TNFSF18: variants seen among roughly 807,000 people sequenced by gnomAD.
The protein encoded by TNFSF18 is TNF superfamily member 18, also known as tumor necrosis factor ligand superfamily member 18.
In TNFSF18, 6 loss-of-function variants were observed where a neutral mutation model predicts 9.6. The observed-to-expected ratio is 0.63, with a 90% confidence interval of 0.34 to 1.24. The LOEUF (loss-of-function observed/expected upper bound fraction) is 1.24. TNFSF18 is among the 50% of genes most tolerant of loss of function. The probability of loss-of-function intolerance (pLI) is 0.03; values close to 1 mark genes in which losing one functional copy is unlikely to be tolerated. For synonymous variants in TNFSF18, 68 were observed against 71.7 expected (o/e 0.95, Z 0.26); for missense variants, 210 against 201.0 (o/e 1.04, Z -0.27).
In TNFSF18 at chr1:173,048,508, G is replaced by T. The variant is rs74129520; in HGVS notation, c.156+2233C>A. On this transcript the variant is annotated intron_variant, in intron 1 of 2. Transcript: ENST00000404377. ...GAAGTTCAGACTCTGCTGAACATTT[G>T]ATTTCTTAGTGATAATTCCTGTGAG... 7.5e-3 allele frequency among the ~76,000 whole-genome samples: 1,136 copies of T among 152,224 alleles called. 15 individuals carry two copies. The highest frequency in any genetic ancestry group is 0.026 in the African/African-American group (1,082 of 41,522).
At position 173,040,690 on chromosome 1, in the gene TNFSF18, AG is replaced by A. The variant is rs1664975255; in HGVS notation, c.*676del. ...TGTTTAGACACACACACCAACAGTAAGGTCTCACAAAGCTCTACGTGAGGGT... is the reference window on the plus strand; with the variant it reads ...TGTTTAGACACACACACCAACAGTAAGTCTCACAAAGCTCTACGTGAGGGT... On this transcript the variant is annotated 3_prime_UTR_variant, in exon 3 of 3. Coordinates refer to ENST00000404377, the MANE Select transcript of TNFSF18 (RefSeq NM_005092.4). 1 of 152,168 alleles carries A rather than the reference AG, an allele frequency of 6.6e-6. No homozygotes were observed. Among genetic ancestry groups the A allele is most frequent in the Non-Finnish European group, 1.5e-5 (1 of 68,018 alleles). 9.4% of individuals were successfully genotyped at this position (152,168 alleles called of 1,614,324 possible).
At position 173,041,554 on chromosome 1, in the gene TNFSF18, C is replaced by T. The variant is rs760483613; in HGVS notation, c.347G>A (p.Arg116Gln). ...NYNDVAPFEV[R>Q]LYKNKDMIQT... ...TATCATGTCTTTGTTTTTATACAGC[C>T]GCACCTCAAAAGGAGCTACATCATT... Residue 116 changes from arginine to glutamine, a missense_variant, in exon 3 of 3, where the codon CGG becomes CAG. Arg to Gln is a conservative substitution (Grantham distance 43). Coordinates refer to ENST00000404377, the MANE Select transcript of TNFSF18 (RefSeq NM_005092.4). 24 of 1,613,322 alleles carry T rather than the reference C, an allele frequency of 1.5e-5. No individual in the cohort carries two copies. Among genetic ancestry groups the T allele is most frequent in the South Asian group, 4.4e-5 (4 of 91,060 alleles).
intron 2 of TNFSF18, among the ~76,000 whole-genome samples, chr1:173,043,343 AT>A (rs1048254150): frequency 1.3e-5 from 2 of 151,902 alleles, no homozygotes; most frequent in East Asian, 1.9e-4. Context: ...TTTAAAAAAA[AT>A]GTATTTATCT....
intron 1 of TNFSF18, among the ~76,000 whole-genome samples, chr1:173,047,297 C>T (rs1665101614): frequency 6.6e-6 from 1 of 152,130 alleles, no homozygotes. Flanking sequence ...CTCCCTTAAC[C>T]CCAATTTCCT....
intron 1 of TNFSF18, among the ~76,000 whole-genome samples, chr1:173,048,102 A>G (rs1273940131): frequency 6.6e-6 from 1 of 152,074 alleles, no homozygotes; most frequent in Non-Finnish European, 1.5e-5. Flanking sequence ...AATGAGGATG[A>G]GAGGGATTAA....
Position 173,041,566 on chromosome 1 carries a change from G to A in TNFSF18, c.335C>T (p.Pro112Leu), listed in dbSNP as rs370761797. ...GTTTTTATACAGCCGCACCTCAAAA[G>A]GAGCTACATCATTGTAGTTTGCATT... ...APNANYNDVA[P>L]FEVRLYKNKD... The change falls in exon 3 of 3, where the codon CCT (proline) becomes CTT (leucine). Residue 112 changes from proline (P) to leucine (L), a missense_variant. Transcript: ENST00000404377. 1 of 1,613,524 alleles carries A rather than the reference G, an allele frequency of 6.2e-7. No homozygotes were observed. The highest frequency in any genetic ancestry group is 8.5e-7 in the Non-Finnish European group (1 of 1,179,650).
intron 2 of TNFSF18, 61 bp from the exon 3 acceptor site, chr1:173,041,774 T>A: frequency 2.1e-6 from 3 of 1,440,230 alleles, no homozygotes; most frequent in Non-Finnish European, 2.8e-6. Context: ...ATTTCATCCT[T>A]TTCCAGATTG....
At position 173,041,399 on chromosome 1, in the gene TNFSF18, T is replaced by G. The variant is rs560260122; in HGVS notation, c.502A>C (p.Ile168Leu). The G allele has an allele frequency of 6.2e-7, 1 of 1,609,404 alleles. No homozygotes were observed. Among genetic ancestry groups the G allele is most frequent in the East Asian group, 2.2e-5 (1 of 44,850 alleles). The change falls in exon 3 of 3, where the codon ATT becomes CTT. Residue 168 changes from isoleucine (I) to leucine (L), a missense_variant. Transcript: ENST00000404377. The part of the protein sequence containing the change: ...VLKNNTYWGI[I>L]LLANPQFIS Reference sequence around the variant, plus strand: ...ATGAATTGGGGATTTGCTAGTAAAATGATACCCCAGTATGTATTATTTTTT... The same window carrying G: ...ATGAATTGGGGATTTGCTAGTAAAAGGATACCCCAGTATGTATTATTTTTT...
chr1:173,044,700 T>G (rs981840149), intron 1 of TNFSF18, among the ~76,000 whole-genome samples: 8 of 152,240 alleles, frequency 5.3e-5, no homozygotes, highest in Admixed American at 4.6e-4. Context: ...CTTAAAAGAC[T>G]TTTTGAACTT....
chr1:173,049,834 T>G (rs1270844186), intron 1 of TNFSF18, among the ~76,000 whole-genome samples: 4 of 152,198 alleles, frequency 2.6e-5, no homozygotes, highest in African/African-American at 9.7e-5. Flanking sequence ...CTTATTTTCT[T>G]TTTGATCAGT....
chr1:173,046,046 T>C (rs957076662), intron 1 of TNFSF18, among the ~76,000 whole-genome samples: 17 of 151,900 alleles, frequency 1.1e-4, no homozygotes, highest in African/African-American at 4.1e-4. Flanking sequence ...TAGAGGAGAG[T>C]GAATGGACTG....
At chr1:173,045,577 G>A (rs912298865) in intron 1 of TNFSF18, among the ~76,000 whole-genome samples, 1 of 152,104 alleles carries the variant, frequency 6.6e-6, no homozygotes, top group African/African-American at 2.4e-5. Flanking sequence ...TTTGCTGTAG[G>A]GAGAGCAGAA....
chr1:173,039,404 A>G lies in TNFSF18; in HGVS notation c.*1963T>C, dbSNP rs1664954356. On this transcript the variant is annotated 3_prime_UTR_variant, in exon 3 of 3. Coordinates refer to ENST00000404377, the MANE Select transcript of TNFSF18 (RefSeq NM_005092.4). ...ATCACCAGTATGCCAAATTTTTACA[A>G]TTTCATTTTCTCCCTTAGTCTGCTA... 6.6e-6 allele frequency among the ~76,000 whole-genome samples: 1 copy of G among 152,100 alleles called. No individual in the cohort carries two copies. Among genetic ancestry groups the G allele is most frequent in the East Asian group, 1.9e-4 (1 of 5,184 alleles).
At chr1:173,045,547 A>G (rs774342965) in intron 1 of TNFSF18, among the ~76,000 whole-genome samples, 1 of 152,168 alleles carries the variant, frequency 6.6e-6, no homozygotes, top group South Asian at 2.1e-4. Context: ...GGTAAATGGG[A>G]CAAGAGAAGT....
intron 1 of TNFSF18, 89 bp downstream of exon 1, chr1:173,050,652 C>T: frequency 1.2e-6 from 1 of 853,006 alleles, no homozygotes; most frequent in East Asian, 2.7e-5. Flanking sequence ...CTATTGCTAA[C>T]AATACTGAGT....
chr1:173,045,632 TTTTG>T (rs1460461347), intron 1 of TNFSF18, among the ~76,000 whole-genome samples: 3 of 137,838 alleles, frequency 2.2e-5, no homozygotes, highest in Non-Finnish European at 4.7e-5. Flanking sequence ...CAAAGAGGTT[TTTTG>T]TTGTTGTTGT....
rs1013583368 is a variant in TNFSF18, at chr1:173,048,613, G to GA, written c.156+2127dup. ...GTTAAATATTTTCTCAAAGAAGAGA[G>GA]AAAAAAAGAAAAAAATTGACCCAAG... On this transcript the variant is annotated intron_variant, in intron 1 of 2. Transcript: ENST00000404377. 1.1e-3 allele frequency among the ~76,000 whole-genome samples: 165 copies of GA among 152,006 alleles called. 1 individual carries two copies. The highest frequency in any genetic ancestry group is 3.4e-3 in the Middle Eastern group (1 of 294).
chr1:173,041,615 A>G lies in TNFSF18; in HGVS notation c.286T>C (p.Leu96=), dbSNP rs753352200. Reference sequence around the variant, plus strand: ...TTGGGAGCCACTTGGCCATAAATTAAATATAAGCCATTCTGAAGTATCTCC... The same window carrying G: ...TTGGGAGCCACTTGGCCATAAATTAGATATAAGCCATTCTGAAGTATCTCC... ...KLEILQNGLY[L]IYGQVAPNAN... is the part of the protein sequence containing the mutation. Residue 96 remains leucine (L), a synonymous_variant, in exon 3 of 3, where the codon TTA becomes CTA. Transcript: ENST00000404377. The G allele has an allele frequency of 6.2e-7, 1 of 1,613,622 alleles. No individual in the cohort carries two copies. Among genetic ancestry groups the G allele is most frequent in the Non-Finnish European group, 8.5e-7 (1 of 1,179,662 alleles).
At position 173,041,309 on chromosome 1, in the gene TNFSF18, A is replaced by G. The variant is rs538181059; in HGVS notation, c.*58T>C. 2.0e-5 allele frequency: 27 copies of G among 1,359,008 alleles called. No individual in the cohort carries two copies. In the South Asian group the frequency reaches 2.1e-4, roughly 11 times the overall value. 84.2% of individuals were successfully genotyped at this position (1,359,008 alleles called of 1,614,324 possible). On this transcript the variant is annotated 3_prime_UTR_variant, in exon 3 of 3. Transcript: ENST00000404377. ...AGAAATTGAATATCTTCTCCCTCCA[A>G]TCCACCCACTGGCACCTCTACATGT...
Sources: allele counts gnomAD v4.1 joint callset (sites outside exome capture counted in the v4.1 genomes callset), GRCh38; gene constraint gnomAD v4.1.1; transcripts MANE v1.5; gene names NCBI Gene and HGNC (gene_info 2026-07-23, HGNC 2026-07-21).